PRKAA2: variants seen among roughly 807,000 people sequenced by gnomAD.
The protein encoded by PRKAA2 is 5'-AMP-activated protein kinase catalytic subunit alpha-2.
In PRKAA2, 40 loss-of-function variants were observed where a neutral mutation model predicts 56.3. That is an observed-to-expected ratio of 0.71 (90% CI 0.55 to 0.92). The LOEUF (loss-of-function observed/expected upper bound fraction) is 0.92, where lower values mean the gene tolerates loss of function less well. Ranked by LOEUF, PRKAA2 falls within the 40% of genes least tolerant of loss-of-function variation. PRKAA2 has a pLI of 0.00. For synonymous variants in PRKAA2, 214 were observed against 234.2 expected, an observed-to-expected ratio of 0.91 and a Z score of 0.79; for missense variants, 542 against 686.9, an observed-to-expected ratio of 0.79 and a Z score of 2.36.
intron 2 of PRKAA2, among the ~76,000 whole-genome samples, chr1:56,681,064 A>G (rs967176829): frequency 5.9e-5 from 9 of 152,142 alleles, no homozygotes; most frequent in African/African-American, 2.2e-4. Flanking sequence ...CTGGTGTGAG[A>G]TGGTGTCTCA....
intron 1 of PRKAA2, among the ~76,000 whole-genome samples, chr1:56,665,397 A>G (rs1309498564): frequency 6.6e-6 from 1 of 152,168 alleles, no homozygotes; most frequent in Non-Finnish European, 1.5e-5. Flanking sequence ...TCTAAAGTAC[A>G]ATGTACGAGT....
At chr1:56,663,627 T>G (rs1386856292) in intron 1 of PRKAA2, among the ~76,000 whole-genome samples, 1 of 152,218 alleles carries the variant, frequency 6.6e-6, no homozygotes, top group African/African-American at 2.4e-5. Flanking sequence ...ACCCATTGAG[T>G]GGAATGTTTG....
At position 56,712,510 on chromosome 1, in the gene PRKAA2, ATTC is replaced by A. The variant is rs900664147; in HGVS notation, c.*4803_*4805del. Reference sequence around the variant, plus strand: ...AATGCTGAAGAAACTTTAAAACATGATTCTTCTTATAATTTTATGTGATTCTTA... The same window carrying A: ...AATGCTGAAGAAACTTTAAAACATGATTCTTATAATTTTATGTGATTCTTA... On this transcript the variant is annotated 3_prime_UTR_variant, in exon 9 of 9. Transcript: ENST00000371244. 6.6e-6 allele frequency: 1 copy of A among 152,152 alleles called. No individual in the cohort carries two copies. Among genetic ancestry groups the A allele is most frequent in the African/African-American group, 2.4e-5 (1 of 41,438 alleles). The allele number at this position is 152,152 out of a possible 1,614,324, so 9.4% of individuals were successfully genotyped here. A position where few individuals can be genotyped will look rare whatever the true frequency, so the allele number is the denominator to read the frequency against.
chr1:56,690,333 T>G (rs1376191637), intron 2 of PRKAA2, among the ~76,000 whole-genome samples: 1 of 152,060 alleles, frequency 6.6e-6, no homozygotes, highest in Non-Finnish European at 1.5e-5. Context: ...CCAGCTAATT[T>G]TTTGTATTTT....
intron 1 of PRKAA2, among the ~76,000 whole-genome samples, chr1:56,653,795 T>C (rs1412494995): frequency 6.6e-6 from 1 of 152,172 alleles, no homozygotes; most frequent in African/African-American, 2.4e-5. Flanking sequence ...CAAATGAATG[T>C]GTTCAGAAAC....
intron 6 of PRKAA2, among the ~76,000 whole-genome samples, chr1:56,700,566 CTT>C (rs1644287347): frequency 6.6e-6 from 1 of 152,160 alleles, no homozygotes; most frequent in Admixed American, 6.5e-5. Flanking sequence ...TTTTGGTCAG[CTT>C]TTCCTTTACC....
intron 2 of PRKAA2, among the ~76,000 whole-genome samples, chr1:56,687,500 T>C (rs1644200317): frequency 1.3e-5 from 2 of 152,086 alleles, no homozygotes; most frequent in African/African-American, 2.4e-5. Flanking sequence ...CTGCATTGGG[T>C]GAGAAGCAAT....
At chr1:56,668,707 T>C (rs1290213729) in intron 1 of PRKAA2, among the ~76,000 whole-genome samples, 2 of 152,182 alleles carry the variant, frequency 1.3e-5, no homozygotes, top group African/African-American at 2.4e-5. Context: ...ATGTATCTGA[T>C]ATGAATTACT....
At chr1:56,664,579 T>C (rs1390234561) in intron 1 of PRKAA2, among the ~76,000 whole-genome samples, 1 of 152,148 alleles carries the variant, frequency 6.6e-6, no homozygotes. Flanking sequence ...TTCTGGTGTA[T>C]TTTTAACAGT....
chr1:56,661,639 A>G (rs565925540), intron 1 of PRKAA2, among the ~76,000 whole-genome samples: 1 of 152,192 alleles, frequency 6.6e-6, no homozygotes, highest in African/African-American at 2.4e-5. Flanking sequence ...ACATTCCTGT[A>G]CTTGTCTTTT....
Position 56,712,088 on chromosome 1 carries a change from A to G in PRKAA2, c.*4375A>G, listed in dbSNP as rs1046294619. 3.9e-5 allele frequency: 6 copies of G among 152,124 alleles called. No homozygotes were observed. Among genetic ancestry groups the G allele is most frequent in the African/African-American group, 1.4e-4 (6 of 41,420 alleles). 9.4% of individuals were successfully genotyped at this position (152,124 alleles called of 1,614,324 possible). ...TTTATAGTGATTTTTCGATCTAGAG[A>G]CCCTTCATATTGTTTACTTACTATT... On this transcript the variant is annotated 3_prime_UTR_variant, in exon 9 of 9. Transcript: ENST00000371244.
chr1:56,688,731 G>GC (rs1644208126), intron 2 of PRKAA2, among the ~76,000 whole-genome samples: 1 of 152,220 alleles, frequency 6.6e-6, no homozygotes, highest in Admixed American at 6.5e-5. Flanking sequence ...GGACCTAAGA[G>GC]CAATGGGAAA....
At chr1:56,662,460 T>A (rs1181792606) in intron 1 of PRKAA2, among the ~76,000 whole-genome samples, 3 of 152,138 alleles carry the variant, frequency 2.0e-5, no homozygotes, top group Non-Finnish European at 2.9e-5. Context: ...AAAAAAAAAA[T>A]TAAATACAGA....
intron 1 of PRKAA2, among the ~76,000 whole-genome samples, chr1:56,665,427 A>C (rs1644028537): frequency 6.6e-6 from 1 of 152,154 alleles, no homozygotes; most frequent in African/African-American, 2.4e-5. Context: ...TCCATTTCTT[A>C]GATCTTTGCT....
chr1:56,682,064 C>G (rs991059158), intron 2 of PRKAA2, among the ~76,000 whole-genome samples: 20 of 152,060 alleles, frequency 1.3e-4, no homozygotes, highest in Non-Finnish European at 1.9e-4. Flanking sequence ...TTGAAGAGGT[C>G]CTTCACATCC....
rs1462655469 is a variant in PRKAA2 at position 56,711,135 on chromosome 1, T to C, written c.*3422T>C. Reference sequence around the variant, plus strand: ...CTAAATTAATCAGAAATAATTATATTTCTATGTCAGGGTATTGGCTATATG... The same window carrying C: ...CTAAATTAATCAGAAATAATTATATCTCTATGTCAGGGTATTGGCTATATG... On this transcript the variant is annotated 3_prime_UTR_variant, in exon 9 of 9. Transcript: ENST00000371244. 1 of 152,094 alleles carries C rather than the reference T, an allele frequency of 6.6e-6. No homozygotes were observed. The highest frequency in any genetic ancestry group is 2.4e-5 in the African/African-American group (1 of 41,442). 9.4% of individuals were successfully genotyped at this position (152,094 alleles called of 1,614,324 possible). A position where few individuals can be genotyped will look rare whatever the true frequency, so the allele number is the denominator to read the frequency against.
chr1:56,672,906 G>A (rs1371387012), intron 1 of PRKAA2, among the ~76,000 whole-genome samples: 2 of 152,138 alleles, frequency 1.3e-5, no homozygotes, highest in Non-Finnish European at 2.9e-5. Context: ...GAAACTAGAG[G>A]AAGATACAGG....
Position 56,704,101 on chromosome 1 carries a change from G to A in PRKAA2, c.919G>A (p.Val307Ile). ...CEKFECTESE[V>I]MNSLYSGDPQ... ...AAAATTTGAATGTACAGAATCAGAA[G>A]TAATGAACAGTTTATATAGTGGTGA... The change falls in exon 7 of 9, where the codon GTA becomes ATA. Residue 307 changes from valine to isoleucine, a missense_variant. Around this residue, in one of 5 missense-constraint regions of PRKAA2, gnomAD observed 198 missense variants for 234.0 expected, o/e 0.85. Transcript: ENST00000371244. 5 of 1,614,174 alleles carry A rather than the reference G, an allele frequency of 3.1e-6. No homozygotes were observed. The highest frequency in any genetic ancestry group is 2.2e-5 in the South Asian group (2 of 91,088).
chr1:56,707,652 G>T lies in PRKAA2; in HGVS notation c.1598G>T (p.Gly533Val), dbSNP rs1264984845. ...TTGTCTTCAGTTTCACCTCGCCTGG[G>T]CAGTCACACCATGGATTTTTTTGAA... Reference protein sequence around the residue: ...STLSSVSPRLGSHTMDFFEMC... With the variant: ...STLSSVSPRLVSHTMDFFEMC... Residue 533 changes from glycine to valine, a missense_variant, in exon 9 of 9, where the codon GGC becomes GTC. Around this residue, in one of 5 missense-constraint regions of PRKAA2, gnomAD observed 158 missense variants for 166.1 expected, o/e 0.95. Coordinates refer to ENST00000371244, the MANE Select transcript of PRKAA2 (RefSeq NM_006252.4). 17 of 1,613,876 alleles carry T rather than the reference G, an allele frequency of 1.1e-5. No homozygotes were observed. Among genetic ancestry groups the T allele is most frequent in the Non-Finnish European group, 1.4e-5 (17 of 1,179,914 alleles).
Sources: gnomAD v4.1 joint callset for allele counts (sites outside exome capture counted in the v4.1 genomes callset) on GRCh38, gnomAD v4.1.1 for gene constraint, gnomAD v4.1.1 regional missense constraint, MANE v1.5 for transcripts, NCBI Gene and HGNC (gene_info 2026-07-23, HGNC 2026-07-21) for gene names.